The following EML5 variants were observed in gnomAD, a reference collection of about 807,000 sequenced individuals.
EML5 encodes echinoderm microtubule-associated protein-like 5.
A neutral mutation model predicts 250.0 loss-of-function variants in EML5; 120 were observed. The observed-to-expected ratio is 0.48, with a 90% confidence interval of 0.41 to 0.56. The LOEUF is 0.56. Among genes scored for constraint, EML5 ranks in the 20% least tolerant of loss-of-function variants. The pLI is 0.00. For synonymous variants in EML5, 771 were observed against 806.5 expected (o/e 0.96, Z 0.75); for missense variants, 2,006 against 2,437.6 (o/e 0.82, Z 3.73).
At chr14:88,734,898 T>C (rs1166652428) in intron 7 of EML5, among the ~76,000 whole-genome samples, 1 of 152,056 alleles carries the variant, frequency 6.6e-6, no homozygotes, top group Non-Finnish European at 1.5e-5. Context: ...AAAAGACATA[T>C]CAGCAAACGC....
At chr14:88,717,130 A>G (rs910636758) in intron 8 of EML5, among the ~76,000 whole-genome samples, 1 of 152,158 alleles carries the variant, frequency 6.6e-6, no homozygotes, top group Non-Finnish European at 1.5e-5. Context: ...ATATCAAAGG[A>G]AGTGGAGTAG....
At position 88,740,434 on chromosome 14, in the gene EML5, C is replaced by T; in HGVS notation, c.664G>A (p.Val222Ile). 2 of 1,613,418 alleles carry T rather than the reference C, an allele frequency of 1.2e-6. No individual in the cohort carries two copies. The highest frequency in any genetic ancestry group is 1.7e-6 in the Non-Finnish European group (2 of 1,179,630). Residue 222 changes from valine (V) to isoleucine (I), a missense_variant, in exon 5 of 44, where the codon GTT becomes ATT. Val to Ile is a conservative substitution (Grantham distance 29). Around this residue, in one of 7 missense-constraint regions of EML5, gnomAD observed 1,375 missense variants for 1,590.3 expected, o/e 0.86. Transcript: ENST00000554922. ...YSGALNGDIY[V>I]WKGINLIRTI... ...CGTATAAGATTGATTCCTTTCCAAA[C>T]ATATATATCCCCATTGAGTGCACCA...
chr14:88,777,666 A>C (rs2094459480), intron 1 of EML5, among the ~76,000 whole-genome samples: 1 of 152,242 alleles, frequency 6.6e-6, no homozygotes, highest in Admixed American at 6.5e-5. Flanking sequence ...TAAGATAGAA[A>C]TAACAAAAAG....
chr14:88,720,528 A>G (rs2093573646), intron 8 of EML5, among the ~76,000 whole-genome samples: 1 of 152,196 alleles, frequency 6.6e-6, no homozygotes, highest in Non-Finnish European at 1.5e-5. Context: ...AACAAAGACC[A>G]TATGATTATC....
intron 1 of EML5, among the ~76,000 whole-genome samples, chr14:88,783,334 T>G (rs1019618183): frequency 3.3e-5 from 5 of 151,990 alleles, no homozygotes; most frequent in African/African-American, 1.2e-4. Flanking sequence ...GACTAAAATC[T>G]CCAATCAAAA....
chr14:88,721,074 A>T (rs1043955290), intron 8 of EML5, among the ~76,000 whole-genome samples: 3 of 152,148 alleles, frequency 2.0e-5, no homozygotes, highest in Non-Finnish European at 2.9e-5. Flanking sequence ...GAGAAGTGAA[A>T]GACCTCTTTA....
chr14:88,739,796 AC>A (rs1467371853), intron 5 of EML5, among the ~76,000 whole-genome samples: 1 of 152,142 alleles, frequency 6.6e-6, no homozygotes, highest in Non-Finnish European at 1.5e-5. Flanking sequence ...TTCAACAACC[AC>A]AAAAAATTTA....
chr14:88,752,738 A>G (rs942492142), intron 2 of EML5, among the ~76,000 whole-genome samples: 5 of 152,126 alleles, frequency 3.3e-5, no homozygotes, highest in African/African-American at 1.2e-4. Context: ...GCCTTTGCCA[A>G]AATCACTCTG....
At chr14:88,637,521 AAAGAACCAT>A (rs1340251614) in intron 32 of EML5, among the ~76,000 whole-genome samples, 2 of 152,188 alleles carry the variant, frequency 1.3e-5, no homozygotes, top group Non-Finnish European at 2.9e-5. Flanking sequence ...GTGGGAAATG[AAAGAACCAT>A]ATTCTAGAAT....
At chr14:88,756,509 C>A (rs1290718805) in intron 1 of EML5, among the ~76,000 whole-genome samples, 1 of 151,812 alleles carries the variant, frequency 6.6e-6, no homozygotes, top group Non-Finnish European at 1.5e-5. Context: ...GAAAAATAGG[C>A]CAGGAAAAGG....
chr14:88,719,122 G>C (rs1423153050), intron 8 of EML5, among the ~76,000 whole-genome samples: 1 of 152,002 alleles, frequency 6.6e-6, no homozygotes, highest in Non-Finnish European at 1.5e-5. Context: ...ATGGTGGCTC[G>C]TGCCTGTAAT....
At chr14:88,702,778 G>A (rs944109070) in intron 13 of EML5, 146 bp from the exon 14 acceptor site, 1 of 573,220 alleles carries the variant, frequency 1.7e-6, no homozygotes, top group South Asian at 2.9e-5. Context: ...TTCAAGAGAT[G>A]GGGTCTCGCT....
At chr14:88,718,303 G>A (rs2093535020) in intron 8 of EML5, among the ~76,000 whole-genome samples, 1 of 152,174 alleles carries the variant, frequency 6.6e-6, no homozygotes, top group Non-Finnish European at 1.5e-5. Context: ...ATTAGGCTAT[G>A]CGTGGTAACT....
chr14:88,672,615 G>A (rs1386816413), intron 21 of EML5, among the ~76,000 whole-genome samples: 1 of 151,814 alleles, frequency 6.6e-6, no homozygotes, highest in Non-Finnish European at 1.5e-5. Context: ...CCAGGGGCCG[G>A]TTTTTGAAAA....
At chr14:88,708,485 G>C (rs530270864) in intron 10 of EML5, among the ~76,000 whole-genome samples, 1 of 152,162 alleles carries the variant, frequency 6.6e-6, no homozygotes, top group South Asian at 2.1e-4. Context: ...TTAGATATTT[G>C]AAGAAAGAGA....
intron 32 of EML5, among the ~76,000 whole-genome samples, chr14:88,636,931 T>C (rs2090769911): frequency 6.6e-6 from 1 of 152,184 alleles, no homozygotes; most frequent in African/African-American, 2.4e-5. Context: ...CAAAATGATA[T>C]ACTTGGCCCT....
chr14:88,762,555 C>T (rs2140471978), intron 1 of EML5, among the ~76,000 whole-genome samples: 1 of 152,122 alleles, frequency 6.6e-6, no homozygotes, highest in South Asian at 2.1e-4. Context: ...GACTCCCACA[C>T]AGTAATAGTG....
chr14:88,732,243 T>C (rs969406264), intron 7 of EML5, among the ~76,000 whole-genome samples: 25 of 152,220 alleles, frequency 1.6e-4, no homozygotes, highest in Non-Finnish European at 3.2e-4. Context: ...AATTTTTGTA[T>C]AAGGTGTAAG....
chr14:88,620,940 A>T lies in EML5; in HGVS notation c.5203-14T>A. On this transcript the variant is annotated splice_polypyrimidine_tract_variant and intron_variant, in intron 38 of 43. Coordinates refer to ENST00000554922, the MANE Select transcript of EML5 (RefSeq NM_183387.3). This position sits in a 1 kb window ranked among gnomAD's most constrained non-coding sequence, Gnocchi z 4.3. ...GTTTAACATCTTCTGCATTTAAAAA[A>T]AAAAAAAAAAAGAGTCATAGGAAAC... 1 of 1,488,204 alleles carries T rather than the reference A, an allele frequency of 6.7e-7. No homozygotes were observed. The highest frequency in any genetic ancestry group is 8.9e-7 in the Non-Finnish European group (1 of 1,123,404). 92.2% of individuals were successfully genotyped at this position (1,488,204 alleles called of 1,614,324 possible). A position where few individuals can be genotyped will look rare whatever the true frequency, so the allele number is the denominator to read the frequency against.
Sources: allele counts gnomAD v4.1 joint callset (sites outside exome capture counted in the v4.1 genomes callset), GRCh38; gene constraint gnomAD v4.1.1; regional missense constraint gnomAD v4.1.1; non-coding constraint Gnocchi (gnomAD v3.1); transcripts MANE v1.5; gene names NCBI Gene and HGNC (gene_info 2026-07-23, HGNC 2026-07-21).